Variants in YAF2 observed in about 807,000 individuals in gnomAD.
The protein encoded by YAF2 is YY1-associated factor 2.
In YAF2, 7 loss-of-function variants were observed where a neutral mutation model predicts 20.1. The observed-to-expected ratio is 0.35, with a 90% CI of 0.20 to 0.65. The LOEUF (loss-of-function observed/expected upper bound fraction) is 0.65, where lower values mean the gene tolerates loss of function less well. Among genes scored for constraint, YAF2 ranks in the 30% least tolerant of loss-of-function variants. YAF2 has a pLI of 0.69. For missense variants in YAF2, 151 were observed against 219.2 expected (o/e 0.69, Z 1.96); for synonymous variants, 74 against 76.0 (o/e 0.97, Z 0.14).
At position 42,169,873 on chromosome 12, in the gene YAF2, CCTTT is replaced by C. The variant is rs796501596; in HGVS notation, c.153-8112_153-8109del. Among the ~76,000 whole-genome samples the C allele has an allele frequency of 1.9e-3, 290 of 150,588 alleles. 1 individual carries two copies. The highest frequency in any genetic ancestry group is 6.6e-3 in the African/African-American group (272 of 40,994). On this transcript the variant is annotated intron_variant, in intron 2 of 3. Transcript: ENST00000534854. ...TCCTTCCTTCCTTTTCTCTCTCTCTCCTTTCTTTTTTTTTTAAGACAGAGTCTTG... is the reference window on the plus strand; with the variant it reads ...TCCTTCCTTCCTTTTCTCTCTCTCTCCTTTTTTTTTTAAGACAGAGTCTTG...
intron 2 of YAF2, among the ~76,000 whole-genome samples, chr12:42,163,680 T>A (rs1413962916): frequency 1.3e-5 from 2 of 152,206 alleles, no homozygotes; most frequent in African/African-American, 4.8e-5. Context: ...TCTATGATTA[T>A]TTCATCTGGT....
At chr12:42,208,922 T>C (rs1164847053) in intron 2 of YAF2, among the ~76,000 whole-genome samples, 1 of 152,228 alleles carries the variant, frequency 6.6e-6, no homozygotes, top group Non-Finnish European at 1.5e-5. Context: ...ATGAAAGTTT[T>C]GTAAAACAGC....
intron 2 of YAF2, among the ~76,000 whole-genome samples, chr12:42,190,556 C>T (rs2066587891): frequency 6.6e-6 from 1 of 152,102 alleles, no homozygotes; most frequent in African/African-American, 2.4e-5. Flanking sequence ...CTTTTTCCAG[C>T]TTTCCTTAGG....
Position 42,206,594 on chromosome 12 carries a change from G to A in YAF2, c.152+31005C>T, listed in dbSNP as rs1356879223. Among the ~76,000 whole-genome samples, 3 of 149,318 alleles carry A rather than the reference G, an allele frequency of 2.0e-5. No individual in the cohort carries two copies. In the East Asian group the frequency reaches 5.9e-4, roughly 29 times the overall value. On this transcript the variant is annotated intron_variant, in intron 2 of 3. Transcript: ENST00000534854. ...ACTGCACTCCAGCCTGGGAGACAGA[G>A]TAAGACTCCATATTAAAAAAAAAAA... is the stretch of plus-strand genomic sequence containing the variant.
intron 2 of YAF2, among the ~76,000 whole-genome samples, chr12:42,214,296 C>T (rs1592019935): frequency 6.6e-6 from 1 of 152,138 alleles, no homozygotes; most frequent in Non-Finnish European, 1.5e-5. Flanking sequence ...TCCTTTGAGA[C>T]AAGGTCTGGC....
At chr12:42,175,583 A>T (rs2066162202) in intron 2 of YAF2, among the ~76,000 whole-genome samples, 1 of 151,114 alleles carries the variant, frequency 6.6e-6, no homozygotes, top group Admixed American at 6.6e-5. Context: ...TACTAATCAA[A>T]TTAAAACGGG....
Position 42,183,857 on chromosome 12 carries a change from G to C in YAF2, c.153-22092C>G, listed in dbSNP as rs201747899. Reference sequence around the variant, plus strand: ...GCTAGAGACGAAAAGTCAATGCCTTGATTCAAAGCTTCAAAGGACAGGCTG... The same window carrying C: ...GCTAGAGACGAAAAGTCAATGCCTTCATTCAAAGCTTCAAAGGACAGGCTG... On this transcript the variant is annotated intron_variant, in intron 2 of 3. Transcript: ENST00000534854. Among the ~76,000 whole-genome samples the C allele has an allele frequency of 5.3e-5, 8 of 152,310 alleles. No homozygotes were observed. In the East Asian group the frequency reaches 1.5e-3, roughly 29 times the overall value.
chr12:42,192,691 A>G (rs1217407404), intron 2 of YAF2, among the ~76,000 whole-genome samples: 1 of 152,240 alleles, frequency 6.6e-6, no homozygotes, highest in Non-Finnish European at 1.5e-5. Context: ...GGCTTAGGGT[A>G]GCTGACAAAT....
intron 2 of YAF2, among the ~76,000 whole-genome samples, chr12:42,230,148 T>G (rs2067936527): frequency 6.6e-6 from 1 of 152,040 alleles, no homozygotes; most frequent in African/African-American, 2.4e-5. Context: ...TCCCAGCTAC[T>G]CAGGAGGCTG....
At chr12:42,232,665 C>T (rs1214995321) in intron 2 of YAF2, 1 of 985,170 alleles carries the variant, frequency 1.0e-6, no homozygotes, top group East Asian at 1.1e-4. Context: ...ATTCCTACAC[C>T]AAAAGTCTAG....
intron 2 of YAF2, chr12:42,234,896 G>A: frequency 1.3e-6 from 1 of 783,136 alleles, no homozygotes; most frequent in Non-Finnish European, 1.5e-6. Context: ...GCTGAGGTGG[G>A]AGGATTCCTT....
At chr12:42,209,807 T>G (rs1170124508) in intron 2 of YAF2, among the ~76,000 whole-genome samples, 2 of 152,170 alleles carry the variant, frequency 1.3e-5, no homozygotes, top group Non-Finnish European at 2.9e-5. Context: ...GCATAATTTT[T>G]TGTTTTTTGA....
At chr12:42,226,960 G>A (rs1375692567) in intron 2 of YAF2, among the ~76,000 whole-genome samples, 4 of 149,224 alleles carry the variant, frequency 2.7e-5, no homozygotes, top group African/African-American at 4.9e-5. Context: ...GCGCGGCTGC[G>A]CTGCGGCCCG....
intron 2 of YAF2, among the ~76,000 whole-genome samples, chr12:42,162,244 C>T (rs1035609737): frequency 2.6e-5 from 4 of 152,142 alleles, no homozygotes; most frequent in Admixed American, 6.6e-5. Context: ...ATTTCTCACT[C>T]CTTATTGCTT....
At chr12:42,210,840 A>G in intron 2 of YAF2, 2 of 549,334 alleles carry the variant, frequency 3.6e-6, no homozygotes, top group South Asian at 7.5e-5. Flanking sequence ...TTCTCACATT[A>G]TCAGAAACAT....
intron 2 of YAF2, among the ~76,000 whole-genome samples, chr12:42,202,243 T>TACTAATA (rs760191155): frequency 1.3e-5 from 2 of 152,230 alleles, no homozygotes; most frequent in African/African-American, 2.4e-5. Flanking sequence ...TCTTTTCCTG[T>TACTAATA]ACTAATACTA....
intron 2 of YAF2, chr12:42,210,253 T>A (rs1307566498): frequency 5.0e-6 from 3 of 599,450 alleles, no homozygotes. Context: ...AAAGAAGCTA[T>A]CCCAAGTAAC....
chr12:42,192,749 C>G (rs1429060795), intron 2 of YAF2, among the ~76,000 whole-genome samples: 1 of 152,128 alleles, frequency 6.6e-6, no homozygotes, highest in Non-Finnish European at 1.5e-5. Flanking sequence ...CAAGGTAGTA[C>G]TATCAGTTTT....
intron 2 of YAF2, among the ~76,000 whole-genome samples, chr12:42,196,227 GAAAAAAAAAAAAA>G (rs34267272): frequency 5.4e-5 from 4 of 74,510 alleles, no homozygotes; most frequent in African/African-American, 1.0e-4. Flanking sequence ...AATCCATCTG[GAAAAAAAAAAAAA>G]AAAAAAAAAA....
Sources: allele counts gnomAD v4.1 joint callset (sites outside exome capture counted in the v4.1 genomes callset), GRCh38; gene constraint gnomAD v4.1.1; transcripts MANE v1.5; gene names NCBI Gene and HGNC (gene_info 2026-07-23, HGNC 2026-07-21).